OR8G1: variants seen among roughly 807,000 people sequenced by gnomAD.
The protein encoded by OR8G1 is olfactory receptor 8G1.
For missense variants in OR8G1, 372 were observed against 356.2 expected, an observed-to-expected ratio of 1.04 and a Z score of -0.36; for synonymous variants, 129 against 133.3, an observed-to-expected ratio of 0.97 and a Z score of 0.22.
chr11:124,244,043 GGA>G (rs966789486), intron 1 of OR8G1, among the ~76,000 whole-genome samples: 1 of 118,906 alleles, frequency 8.4e-6, no homozygotes, highest in Non-Finnish European at 1.8e-5. Flanking sequence ...AGAGAGAGAT[GGA>G]GAGAGAACGA....
intron 1 of OR8G1, among the ~76,000 whole-genome samples, chr11:124,245,900 A>G (rs1861806374): frequency 2.0e-5 from 3 of 150,434 alleles, no homozygotes; most frequent in South Asian, 2.2e-4. Flanking sequence ...AGTTCATTGT[A>G]GATTCTGGAT....
intron 2 of OR8G1, among the ~76,000 whole-genome samples, chr11:124,248,987 G>GA (rs1420907099): frequency 6.6e-6 from 1 of 152,190 alleles, no homozygotes; most frequent in East Asian, 1.9e-4. Flanking sequence ...GATAGAGTCA[G>GA]AAAGCAAACA....
intron 1 of OR8G1, among the ~76,000 whole-genome samples, chr11:124,245,608 G>A (rs2137746703): frequency 6.9e-6 from 1 of 144,058 alleles, no homozygotes; most frequent in South Asian, 2.5e-4. Flanking sequence ...CACAAGGGTT[G>A]AACTAGTTTA....
chr11:124,250,443 A>G lies in OR8G1; in HGVS notation c.768A>G (p.Ala256=), dbSNP rs1386771537. 5.6e-6 allele frequency: 9 copies of G among 1,613,682 alleles called. No individual in the cohort carries two copies. Among genetic ancestry groups the G allele is most frequent in the Middle Eastern group, 3.3e-4 (2 of 6,082 alleles). Reference sequence around the variant, plus strand: ...TTGTAATCTTTTTTGGATCTGCAGCATTCATGTACTTGCAGCCATCTTCAA... The same window carrying G: ...TTGTAATCTTTTTTGGATCTGCAGCGTTCATGTACTTGCAGCCATCTTCAA... The part of the protein sequence containing the change: ...LAVVIFFGSA[A]FMYLQPSSIS... Residue 256 remains alanine (A), a synonymous_variant, in exon 3 of 3, where the codon GCA becomes GCG. Transcript: ENST00000641972.
intron 2 of OR8G1, among the ~76,000 whole-genome samples, chr11:124,248,659 T>C (rs1378418504): frequency 1.3e-5 from 2 of 151,992 alleles, no homozygotes; most frequent in East Asian, 1.9e-4. Context: ...ACAGAATAAA[T>C]AACTATATTT....
At chr11:124,245,990 C>G (rs956419519) in intron 1 of OR8G1, among the ~76,000 whole-genome samples, 1 of 131,940 alleles carries the variant, frequency 7.6e-6, no homozygotes, top group African/African-American at 3.1e-5. Context: ...ATGGTAGTTT[C>G]TTTTGCTGTG....
chr11:124,248,593 C>G (rs1257084868), intron 2 of OR8G1, among the ~76,000 whole-genome samples: 1 of 151,816 alleles, frequency 6.6e-6, no homozygotes, highest in Non-Finnish European at 1.5e-5. Flanking sequence ...TAACTCTAAG[C>G]CATTTGGAAT....
rs1861886372 is a variant in OR8G1 at position 124,253,909 on chromosome 11, A to C, written c.*3298A>C. The stretch of plus-strand genomic sequence containing the variant: ...AAATCTAAATATTATTCCATTGTGC[A>C]CATATACCACATTTTGTTTATCCAT... On this transcript the variant is annotated 3_prime_UTR_variant, in exon 3 of 3. Coordinates refer to ENST00000641972, the MANE Select transcript of OR8G1 (RefSeq NM_001002905.2). The C allele has an allele frequency of 6.6e-6, 1 of 152,182 alleles. No homozygotes were observed. Among genetic ancestry groups the C allele is most frequent in the Non-Finnish European group, 1.5e-5 (1 of 68,028 alleles). The allele number at this position is 152,182 out of a possible 1,614,324, so 9.4% of individuals were successfully genotyped here.
chr11:124,242,627 A>G (rs2137744304), intron 1 of OR8G1, among the ~76,000 whole-genome samples: 1 of 152,188 alleles, frequency 6.6e-6, no homozygotes, highest in Non-Finnish European at 1.5e-5. Flanking sequence ...GCTAGTCATC[A>G]TAGTCTAGCC....
intron 2 of OR8G1, among the ~76,000 whole-genome samples, chr11:124,248,959 C>T (rs1041491572): frequency 3.9e-5 from 6 of 152,168 alleles, no homozygotes; most frequent in South Asian, 2.1e-4. Context: ...AACTTATCCA[C>T]GGGTATCATT....
At chr11:124,247,147 T>C (rs1861819885) in intron 1 of OR8G1, among the ~76,000 whole-genome samples, 1 of 151,474 alleles carries the variant, frequency 6.6e-6, no homozygotes, top group South Asian at 2.1e-4. Context: ...TAAAGAAATG[T>C]GTAAAGAATA....
rs1288974572 is a variant in OR8G1 at position 124,250,120 on chromosome 11, T to G, written c.445T>G (p.Tyr149Asp). The change falls in exon 3 of 3, where the codon TAT becomes GAT. Residue 149 changes from tyrosine to aspartate, a missense_variant. Physicochemically the swap from Tyr to Asp is radical, Grantham distance 160. Transcript: ENST00000641972. Reference sequence around the variant, plus strand: ...TTGCTTTTCTCTGATTTTAGGGGTGTATATAATAGGCCTGGTTTGTGCATC... The same window carrying G: ...TTGCTTTTCTCTGATTTTAGGGGTGGATATAATAGGCCTGGTTTGTGCATC... Reference protein sequence around the residue: ...KACFSLILGVYIIGLVCASVH... With the variant: ...KACFSLILGVDIIGLVCASVH... 1 of 1,613,798 alleles carries G rather than the reference T, an allele frequency of 6.2e-7. No homozygotes were observed. Among genetic ancestry groups the G allele is most frequent in the East Asian group, 2.2e-5 (1 of 44,880 alleles).
At chr11:124,248,624 G>T (rs1861834706) in intron 2 of OR8G1, among the ~76,000 whole-genome samples, 1 of 151,860 alleles carries the variant, frequency 6.6e-6, no homozygotes, top group Non-Finnish European at 1.5e-5. Context: ...CACATGCAAT[G>T]AGTAATTTGC....
At position 124,250,651 on chromosome 11, in the gene OR8G1, T is replaced by A; in HGVS notation, c.*40T>A. 1 of 498,454 alleles carries A rather than the reference T, an allele frequency of 2.0e-6. No individual in the cohort carries two copies. The highest frequency in any genetic ancestry group is 3.2e-6 in the Non-Finnish European group (1 of 313,776). 30.9% of individuals were successfully genotyped at this position (498,454 alleles called of 1,614,324 possible). On this transcript the variant is annotated 3_prime_UTR_variant, in exon 3 of 3. Transcript: ENST00000641972. ...AAGATGATATATTAATCCTAAGTAGTGGACTGTTACATTGTATGAATGGAT... is the reference window on the plus strand; with the variant it reads ...AAGATGATATATTAATCCTAAGTAGAGGACTGTTACATTGTATGAATGGAT...
intron 1 of OR8G1, among the ~76,000 whole-genome samples, chr11:124,243,912 A>G (rs1202816303): frequency 6.6e-6 from 1 of 151,962 alleles, no homozygotes; most frequent in African/African-American, 2.4e-5. Context: ...CTGCACATGT[A>G]TCCCAGAACT....
At chr11:124,247,007 G>A (rs1017478331) in intron 1 of OR8G1, among the ~76,000 whole-genome samples, 5 of 151,398 alleles carry the variant, frequency 3.3e-5, no homozygotes, top group South Asian at 2.1e-4. Flanking sequence ...CAAACCTTGC[G>A]AGATCCAGCT....
At chr11:124,244,730 G>C (rs1289582953) in intron 1 of OR8G1, among the ~76,000 whole-genome samples, 2 of 151,826 alleles carry the variant, frequency 1.3e-5, no homozygotes, top group Non-Finnish European at 2.9e-5. Context: ...TTGAGTTTCT[G>C]GAGTACAATA....
intron 1 of OR8G1, among the ~76,000 whole-genome samples, chr11:124,242,256 T>A (rs886741612): frequency 2.0e-5 from 3 of 152,012 alleles, no homozygotes; most frequent in African/African-American, 7.2e-5. Context: ...TCTCATTGCC[T>A]GCAAATATTT....
intron 1 of OR8G1, among the ~76,000 whole-genome samples, chr11:124,241,745 G>A (rs1259015987): frequency 6.6e-6 from 1 of 152,098 alleles, no homozygotes; most frequent in Non-Finnish European, 1.5e-5. Context: ...GTGTTGGTAA[G>A]ACTATCTAAT....
Sources: allele counts gnomAD v4.1 joint callset (sites outside exome capture counted in the v4.1 genomes callset), GRCh38; gene constraint gnomAD v4.1.1; transcripts MANE v1.5; gene names NCBI Gene and HGNC (gene_info 2026-07-23, HGNC 2026-07-21).